MYO1F: variants seen among roughly 807,000 people sequenced by gnomAD.
MYO1F encodes unconventional myosin-If.
A neutral mutation model predicts 146.6 loss-of-function variants in MYO1F; 60 were observed. That is an observed-to-expected ratio of 0.41 (90% CI 0.33 to 0.51). MYO1F has a LOEUF of 0.51. Ranked by LOEUF, MYO1F falls within the 20% of genes least tolerant of loss-of-function variation. MYO1F has a pLI of 0.25. For synonymous variants in MYO1F, 602 were observed against 602.1 expected (o/e 1.00, Z 0.00); for missense variants, 1,274 against 1,534.3 (o/e 0.83, Z 2.83).
chr19:8,563,043 G>A (rs1256986214), intron 1 of MYO1F, among the ~76,000 whole-genome samples: 1 of 152,038 alleles, frequency 6.6e-6, no homozygotes, highest in Non-Finnish European at 1.5e-5. Flanking sequence ...CCAGGCTGGA[G>A]TGCAGTGGTT....
At chr19:8,572,193 C>T (rs1215160256) in intron 1 of MYO1F, among the ~76,000 whole-genome samples, 2 of 152,138 alleles carry the variant, frequency 1.3e-5, no homozygotes, top group African/African-American at 4.8e-5. Flanking sequence ...GATGTGGTCC[C>T]CAACCCCCAA....
At chr19:8,571,819 G>T (rs1476328971) in intron 1 of MYO1F, among the ~76,000 whole-genome samples, 1 of 151,852 alleles carries the variant, frequency 6.6e-6, no homozygotes, top group Non-Finnish European at 1.5e-5. Context: ...GGATGGTCTC[G>T]ATCTCCTGAC....
intron 22 of MYO1F, 121 bp downstream of exon 22, chr19:8,527,217 A>G: frequency 7.2e-7 from 1 of 1,382,098 alleles, no homozygotes; most frequent in Non-Finnish European, 1.0e-6. Flanking sequence ...GGTGGGGCCA[A>G]CAGAGGGCTA....
intron 15 of MYO1F, 116 bp downstream of exon 15, chr19:8,541,790 C>G (rs1972984945): frequency 1.0e-6 from 1 of 958,262 alleles, no homozygotes; most frequent in Non-Finnish European, 1.7e-6. Flanking sequence ...CGCACAGCCA[C>G]TCCCCTCGAG....
chr19:8,575,129 T>C (rs2042216003), intron 1 of MYO1F, among the ~76,000 whole-genome samples: 1 of 150,344 alleles, frequency 6.7e-6, no homozygotes, highest in African/African-American at 2.5e-5. Context: ...GAGGCTGTAG[T>C]GCAATGGTGT....
intron 13 of MYO1F, among the ~76,000 whole-genome samples, chr19:8,545,074 C>T (rs539721409): frequency 2.7e-5 from 4 of 149,974 alleles, no homozygotes; most frequent in Admixed American, 6.7e-5. Context: ...CACCATGTCC[C>T]GCCTAAATAC....
chr19:8,561,490 C>T (rs539939083), intron 1 of MYO1F, among the ~76,000 whole-genome samples: 16 of 137,552 alleles, frequency 1.2e-4, no homozygotes, highest in Admixed American at 1.1e-3. Context: ...CTCTTTCTTT[C>T]GTTCTCTTTC....
At position 8,553,246 on chromosome 19, in the gene MYO1F, G is replaced by A; in HGVS notation, c.415-18C>T. On this transcript the variant is annotated intron_variant, in intron 5 of 27. Transcript: ENST00000644032. ...TTGACGTGCTGGGGCAGAGGCAGGT[G>A]GAGTGGGAAGAAGTCAGACTGAGGC... 1 of 1,613,866 alleles carries A rather than the reference G, an allele frequency of 6.2e-7. No individual in the cohort carries two copies. The highest frequency in any genetic ancestry group is 8.5e-7 in the Non-Finnish European group (1 of 1,179,754).
rs954844094 is a variant in MYO1F at position 8,550,802 on chromosome 19, G to A, written c.772-108C>T. On this transcript the variant is annotated intron_variant, in intron 8 of 27. Transcript: ENST00000644032. ...ACGGACTCAGGGAGTGAGCACCCTTGGGTCCCTGTCCTACCCCTTTCAGTC... is the reference window on the plus strand; with the variant it reads ...ACGGACTCAGGGAGTGAGCACCCTTAGGTCCCTGTCCTACCCCTTTCAGTC... 1.1e-5 allele frequency: 16 copies of A among 1,490,958 alleles called. No individual in the cohort carries two copies. In the African/African-American group the frequency reaches 2.2e-4, roughly 21 times the overall value. The allele number at this position is 1,490,958 out of a possible 1,614,324, so 92.4% of individuals were successfully genotyped here. A position where few individuals can be genotyped will look rare whatever the true frequency, so the allele number is the denominator to read the frequency against.
intron 1 of MYO1F, among the ~76,000 whole-genome samples, chr19:8,563,611 C>A (rs1448183477): frequency 6.6e-6 from 1 of 151,480 alleles, no homozygotes; most frequent in African/African-American, 2.4e-5. Flanking sequence ...CGGGTTCAAG[C>A]GATTTTCCTG....
intron 8 of MYO1F, 182 bp downstream of exon 8, chr19:8,551,558 G>A: frequency 1.3e-6 from 1 of 796,546 alleles, no homozygotes. Context: ...AACCACGTTG[G>A]CCAGGCCGGT....
chr19:8,562,362 C>T (rs1200637501), intron 1 of MYO1F, among the ~76,000 whole-genome samples: 1 of 151,942 alleles, frequency 6.6e-6, no homozygotes, highest in African/African-American at 2.4e-5. Context: ...GGCTGGAGTG[C>T]ACTGGTGCGA....
chr19:8,527,421 C>T lies in MYO1F; in HGVS notation c.2391G>A (p.Val797=), dbSNP rs1173575551. ...KCVYVIGREK[V]KKGPEKGQVC... ...CCTGGCCCTTCTCAGGTCCCTTCTT[C>T]ACTTTCTCTCGCCCAATCACATACA... The change falls in exon 22 of 28, where the codon GTG becomes GTA. Residue 797 remains valine (V), a synonymous_variant. Transcript: ENST00000644032. 1 of 1,613,990 alleles carries T rather than the reference C, an allele frequency of 6.2e-7. No individual in the cohort carries two copies. The highest frequency in any genetic ancestry group is 8.5e-7 in the Non-Finnish European group (1 of 1,180,008).
chr19:8,548,452 T>C (rs1275015841), intron 10 of MYO1F, 135 bp from the exon 11 acceptor site: 2 of 784,014 alleles, frequency 2.6e-6, no homozygotes, highest in African/African-American at 3.4e-5. Context: ...CAGCCCTCTT[T>C]AGCTCTGCCC....
At chr19:8,549,897 T>C in intron 10 of MYO1F, 1 of 564,856 alleles carries the variant, frequency 1.8e-6, no homozygotes, top group East Asian at 3.0e-5. Flanking sequence ...ACCTCCTGGG[T>C]TCAAATGATC....
chr19:8,564,852 A>C (rs1274581688), intron 1 of MYO1F, among the ~76,000 whole-genome samples: 1 of 151,804 alleles, frequency 6.6e-6, no homozygotes, highest in Non-Finnish European at 1.5e-5. Context: ...GGCTCACTGC[A>C]ACCTCCGCCT....
At chr19:8,537,794 G>A (rs1282315413) in intron 16 of MYO1F, among the ~76,000 whole-genome samples, 3 of 151,866 alleles carry the variant, frequency 2.0e-5, no homozygotes, top group East Asian at 1.9e-4. Context: ...TAGTGGCGCC[G>A]TGATAGTTCA....
At chr19:8,575,808 G>T (rs1235724408) in intron 1 of MYO1F, among the ~76,000 whole-genome samples, 1 of 152,022 alleles carries the variant, frequency 6.6e-6, no homozygotes, top group Non-Finnish European at 1.5e-5. Flanking sequence ...ATTTTCAGAG[G>T]GCTTCCTTGG....
intron 1 of MYO1F, among the ~76,000 whole-genome samples, chr19:8,564,496 C>T (rs1373265669): frequency 6.6e-6 from 1 of 151,990 alleles, no homozygotes; most frequent in South Asian, 2.1e-4. Flanking sequence ...GAAGTTGACA[C>T]CCACCACAGA....
Sources: gnomAD v4.1 joint callset for allele counts (sites outside exome capture counted in the v4.1 genomes callset) on GRCh38, gnomAD v4.1.1 for gene constraint, MANE v1.5 for transcripts, NCBI Gene and HGNC (gene_info 2026-07-23, HGNC 2026-07-21) for gene names.